The following ZACN variants were observed in gnomAD, a reference collection of about 807,000 sequenced individuals.
ZACN encodes the protein zinc activated ion channel.
A neutral mutation model predicts 38.9 loss-of-function variants in ZACN; 52 were observed. The ratio of observed to expected loss-of-function variants is 1.34; its 90% CI spans 1.07 to 1.68. ZACN has a LOEUF of 1.68. ZACN is among the 40% of genes most tolerant of loss of function. The pLI, the probability that ZACN is intolerant of heterozygous loss-of-function variation, is 0.00. For synonymous variants in ZACN, 235 were observed against 227.4 expected (o/e 1.03, Z -0.30); for missense variants, 559 against 525.6 (o/e 1.06, Z -0.62).
At position 76,082,000 on chromosome 17, in the gene ZACN, G is replaced by T; in HGVS notation, c.999G>T (p.Pro333=). 1 of 1,611,802 alleles carries T rather than the reference G, an allele frequency of 6.2e-7. No homozygotes were observed. Among genetic ancestry groups the T allele is most frequent in the East Asian group, 2.2e-5 (1 of 44,858 alleles). ...LGAKSGPSPA[P]RGEQREHGNP... ...CCAAGAGCGGCCCCAGCCCAGCCCC[G>T]AGAGGGGAACAGCGAGAGCACGGCA... The change falls in exon 8 of 9, where the codon CCG becomes CCT. Residue 333 remains proline (P), a synonymous_variant. Coordinates refer to ENST00000334586, the MANE Select transcript of ZACN (RefSeq NM_180990.4).
At position 76,081,351 on chromosome 17, in the gene ZACN, T is replaced by A; in HGVS notation, c.618T>A (p.Asp206Glu). Residue 206 changes from aspartate to glutamate, a missense_variant, in exon 6 of 9, where the codon GAT becomes GAA. Physicochemically the swap from Asp to Glu is conservative, Grantham distance 45 (BLOSUM62 2). Coordinates refer to ENST00000334586, the MANE Select transcript of ZACN (RefSeq NM_180990.4). ...TCAAGAGGGAATACGTAGTTTATGATCTGAAGACCCAAGTCCCACCCCAGC... is the reference window on the plus strand; with the variant it reads ...TCAAGAGGGAATACGTAGTTTATGAACTGAAGACCCAAGTCCCACCCCAGC... ...VSVKREYVVY[D>E]LKTQVPPQQL... 2 of 1,614,156 alleles carry A rather than the reference T, an allele frequency of 1.2e-6. No individual in the cohort carries two copies. Among genetic ancestry groups the A allele is most frequent in the South Asian group, 1.1e-5 (1 of 91,088 alleles).
At chr17:76,080,953 G>C in intron 5 of ZACN, 1 of 400,636 alleles carries the variant, frequency 2.5e-6, no homozygotes, top group South Asian at 2.0e-5. Context: ...GGTAGCCCTG[G>C]GGATCCTGCT....
At position 76,082,678 on chromosome 17, in the gene ZACN, C is replaced by A; in HGVS notation, c.*25C>A. Reference sequence around the variant, plus strand: ...AAGGGGCAGGGCCTGGGCTGCACACCTTAGGATGAAGTTTGCTTTCCCATG... The same window carrying A: ...AAGGGGCAGGGCCTGGGCTGCACACATTAGGATGAAGTTTGCTTTCCCATG... On this transcript the variant is annotated 3_prime_UTR_variant, in exon 9 of 9. Transcript: ENST00000334586. 1 of 1,567,906 alleles carries A rather than the reference C, an allele frequency of 6.4e-7. No homozygotes were observed. Among genetic ancestry groups the A allele is most frequent in the Non-Finnish European group, 8.6e-7 (1 of 1,157,534 alleles).
rs200709249 is a variant in ZACN at position 76,080,729 on chromosome 17, G to A, written c.544+305G>A. 1,949 of 530,178 alleles carry A rather than the reference G, an allele frequency of 3.7e-3. 9 individuals are homozygous for A. Among genetic ancestry groups the A allele is most frequent in the Middle Eastern group, 8.0e-3 (28 of 3,496 alleles). 32.8% of individuals were successfully genotyped at this position (530,178 alleles called of 1,614,324 possible). ...AGCAGCTCTGCAATCCCAGAGGTCCGAGCACATCAGTCTTCTGTCCTCCCC... is the reference window on the plus strand; with the variant it reads ...AGCAGCTCTGCAATCCCAGAGGTCCAAGCACATCAGTCTTCTGTCCTCCCC... On this transcript the variant is annotated intron_variant, in intron 5 of 8. Coordinates refer to ENST00000334586, the MANE Select transcript of ZACN (RefSeq NM_180990.4).
rs770607045 is a variant in ZACN at position 76,082,553 on chromosome 17, G to C, written c.1139G>C (p.Cys380Ser). 12 of 1,613,696 alleles carry C rather than the reference G, an allele frequency of 7.4e-6. No individual in the cohort carries two copies. The Admixed American group carries it at 1.5e-4, about 20-fold the overall frequency. ...FFLVYVVGVL[C>S]TQFVFAGIWM... Reference sequence around the variant, plus strand: ...CTCGTGTATGTGGTTGGGGTGCTGTGCACCCAATTCGTCTTTGCAGGAATC... The same window carrying C: ...CTCGTGTATGTGGTTGGGGTGCTGTCCACCCAATTCGTCTTTGCAGGAATC... The change falls in exon 9 of 9, where the codon TGC (cysteine) becomes TCC (serine). Residue 380 changes from cysteine (C) to serine (S), a missense_variant. Physicochemically the swap from Cys to Ser is moderately radical, Grantham distance 112. Transcript: ENST00000334586.
At chr17:76,081,466 G>A (rs1178865537) in intron 6 of ZACN, 64 bp downstream of exon 6, 16 of 1,610,590 alleles carry the variant, frequency 9.9e-6, no homozygotes, top group South Asian at 3.3e-5. Context: ...GAGGATGCAC[G>A]GCCAGAGGCC....
At position 76,081,999 on chromosome 17, in the gene ZACN, C is replaced by A; in HGVS notation, c.998C>A (p.Pro333Gln). The A allele has an allele frequency of 6.2e-7, 1 of 1,611,848 alleles. No homozygotes were observed. The highest frequency in any genetic ancestry group is 8.5e-7 in the Non-Finnish European group (1 of 1,179,568). ...LGAKSGPSPA[P>Q]RGEQREHGNP... is the part of the protein sequence containing the mutation. The stretch of plus-strand genomic sequence containing the variant: ...GCCAAGAGCGGCCCCAGCCCAGCCC[C>A]GAGAGGGGAACAGCGAGAGCACGGC... The change falls in exon 8 of 9, where the codon CCG (proline) becomes CAG (glutamine). Residue 333 changes from proline (P) to glutamine (Q), a missense_variant. Transcript: ENST00000334586.
At position 76,079,530 on chromosome 17, in the gene ZACN, T is replaced by C; in HGVS notation, c.189T>C (p.Asp63=). 1.2e-6 allele frequency: 2 copies of C among 1,614,150 alleles called. No homozygotes were observed. The highest frequency in any genetic ancestry group is 1.3e-5 in the African/African-American group (1 of 75,020). ...ATGGGAGTGCGCCCCTGCTCGTGGA[T>C]GTGCGGGTGTTTGTCTCCAACGTGT... ...PNNGSAPLLV[D]VRVFVSNVFN... Residue 63 remains aspartate, a synonymous_variant, in exon 2 of 9, where the codon GAT becomes GAC. Transcript: ENST00000334586.
rs760591933 is a variant in ZACN at position 76,081,333 on chromosome 17, G to A, written c.600G>A (p.Arg200=). ...TGAACGAGATTGTGAGTGTCAAGAG[G>A]GAATACGTAGTTTATGATCTGAAGA... is the stretch of plus-strand genomic sequence containing the variant. ...HVVNEIVSVK[R]EYVVYDLKTQ... The change falls in exon 6 of 9, where the codon AGG becomes AGA. Residue 200 remains arginine (R), a synonymous_variant. Coordinates refer to ENST00000334586, the MANE Select transcript of ZACN (RefSeq NM_180990.4). 9 of 1,614,038 alleles carry A rather than the reference G, an allele frequency of 5.6e-6. No individual in the cohort carries two copies. The highest frequency in any genetic ancestry group is 2.2e-5 in the East Asian group (1 of 44,898).
intron 5 of ZACN, 70 bp downstream of exon 5, chr17:76,080,494 C>T (rs756400792): frequency 6.3e-7 from 1 of 1,582,114 alleles, no homozygotes; most frequent in Non-Finnish European, 8.6e-7. Context: ...ACTCCCAGGT[C>T]TGTGGTGCAG....
chr17:76,079,839 C>A (rs1164143735), intron 3 of ZACN, 49 bp from the exon 4 acceptor site: 2 of 1,595,448 alleles, frequency 1.3e-6, no homozygotes, highest in Non-Finnish European at 8.6e-7. Context: ...AGCTTAGGGG[C>A]ATGGATATGT....
At chr17:76,082,410 C>A in intron 8 of ZACN, 53 bp from the exon 9 acceptor site, 1 of 1,519,912 alleles carries the variant, frequency 6.6e-7, no homozygotes, top group South Asian at 1.3e-5. Flanking sequence ...CTCTTCCGCT[C>A]ATGTTGAGGG....
intron 8 of ZACN, 36 bp downstream of exon 8, chr17:76,082,085 G>C (rs765880914): frequency 1.3e-6 from 2 of 1,561,926 alleles, no homozygotes; most frequent in Admixed American, 2.1e-5. Context: ...ATGAGGCCTA[G>C]GTGCACACCT....
chr17:76,081,137 T>C (rs1290903075), intron 5 of ZACN, 141 bp from the exon 6 acceptor site: 6 of 1,209,886 alleles, frequency 5.0e-6, no homozygotes, highest in South Asian at 1.5e-5. Context: ...AGCCCTTCTA[T>C]GGATCGGTTT....
rs759896218 is a variant in ZACN at position 76,081,418 on chromosome 17, A to C, written c.669+16A>C. The C allele has an allele frequency of 6.2e-7, 1 of 1,613,834 alleles. No homozygotes were observed. Among genetic ancestry groups the C allele is most frequent in the Non-Finnish European group, 8.5e-7 (1 of 1,179,912 alleles). On this transcript the variant is annotated intron_variant, in intron 6 of 8. Transcript: ENST00000334586. ...CCAGGTGACGGTGAGTCAAGTCGGG[A>C]GGAGGCCGACAGAGGGCTGCTGGAG...
At position 76,082,695 on chromosome 17, in the gene ZACN, T is replaced by C. The variant is rs760697366; in HGVS notation, c.*42T>C. The C allele has an allele frequency of 8.4e-6, 13 of 1,546,394 alleles. No individual in the cohort carries two copies. Among genetic ancestry groups the C allele is most frequent in the Non-Finnish European group, 1.0e-5 (12 of 1,147,448 alleles). The stretch of plus-strand genomic sequence containing the variant: ...CTGCACACCTTAGGATGAAGTTTGC[T>C]TTCCCATGGCTGGGGGCGGGCCATG... On this transcript the variant is annotated 3_prime_UTR_variant, in exon 9 of 9. Coordinates refer to ENST00000334586, the MANE Select transcript of ZACN (RefSeq NM_180990.4).
At position 76,082,056 on chromosome 17, in the gene ZACN, A is replaced by G; in HGVS notation, c.1048+7A>G. ...GGGCCTCATCCTGCTGAAGGTGGGC[A>G]GGGGCTGGGGGGTAAGGAATGAGGC... is the stretch of plus-strand genomic sequence containing the variant. On this transcript the variant is annotated splice_region_variant and intron_variant, in intron 8 of 8. Coordinates refer to ENST00000334586, the MANE Select transcript of ZACN (RefSeq NM_180990.4). The G allele has an allele frequency of 6.3e-7, 1 of 1,599,800 alleles. No homozygotes were observed. The highest frequency in any genetic ancestry group is 8.5e-7 in the Non-Finnish European group (1 of 1,174,138).
intron 5 of ZACN, chr17:76,080,818 G>C: frequency 2.1e-6 from 1 of 476,830 alleles, no homozygotes; most frequent in Non-Finnish European, 4.2e-6. Flanking sequence ...CAAGGCCAGA[G>C]GCTCAGGTTG....
chr17:76,079,500 G>C lies in ZACN; in HGVS notation c.159G>C (p.Pro53=). 6.2e-7 allele frequency: 1 copy of C among 1,614,176 alleles called. No homozygotes were observed. Among genetic ancestry groups the C allele is most frequent in the Non-Finnish European group, 8.5e-7 (1 of 1,180,036 alleles). The part of the protein sequence containing the change: ...SKKVQESIQI[P]NNGSAPLLVD... ...AGGTTCAGGAAAGCATCCAGATCCCGAACAATGGGAGTGCGCCCCTGCTCG... is the reference window on the plus strand; with the variant it reads ...AGGTTCAGGAAAGCATCCAGATCCCCAACAATGGGAGTGCGCCCCTGCTCG... The change falls in exon 2 of 9, where the codon CCG becomes CCC. Residue 53 remains proline (P), a synonymous_variant. Transcript: ENST00000334586.
Sources: gnomAD v4.1 joint callset for allele counts on GRCh38, gnomAD v4.1.1 for gene constraint, MANE v1.5 for transcripts, NCBI Gene and HGNC (gene_info 2026-07-23, HGNC 2026-07-21) for gene names.